Variants in UBE2H observed in about 807,000 individuals in gnomAD.
UBE2H encodes ubiquitin conjugating enzyme E2 H.
A neutral mutation model predicts 29.0 loss-of-function variants in UBE2H; 3 were observed. The ratio of observed to expected loss-of-function variants is 0.10; its 90% CI spans 0.05 to 0.27. The LOEUF is 0.27. Among genes scored for constraint, UBE2H ranks in the 10% least tolerant of loss-of-function variants. The pLI is 1.00. For synonymous variants in UBE2H, 69 were observed against 82.9 expected (o/e 0.83, Z 0.91); for missense variants, 68 against 228.2 (o/e 0.30, Z 4.52).
intron 5 of UBE2H, among the ~76,000 whole-genome samples, chr7:129,848,325 C>G (rs970492629): frequency 6.6e-6 from 1 of 152,246 alleles, no homozygotes; most frequent in African/African-American, 2.4e-5. Flanking sequence ...GCATGCTATC[C>G]AAACTTCTTT....
intron 1 of UBE2H, among the ~76,000 whole-genome samples, chr7:129,887,682 C>CCAGCACT (rs1554435210): frequency 3.0e-5 from 4 of 133,876 alleles, no homozygotes; most frequent in Non-Finnish European, 3.6e-5. Context: ...CTCACACCTC[C>CCAGCACT]TGAGGTCGGG....
intron 1 of UBE2H, among the ~76,000 whole-genome samples, chr7:129,938,629 C>T (rs1219625003): frequency 1.3e-5 from 2 of 149,918 alleles, no homozygotes; most frequent in Admixed American, 1.3e-4. Flanking sequence ...TTGTTTGAAC[C>T]CGGGAGGCGG....
At chr7:129,927,282 C>T (rs1411106529) in intron 1 of UBE2H, among the ~76,000 whole-genome samples, 1 of 152,164 alleles carries the variant, frequency 6.6e-6, no homozygotes, top group Non-Finnish European at 1.5e-5. Context: ...TGGCTCATGC[C>T]TGTAATCCCA....
Position 129,832,395 on chromosome 7 carries a change from A to T in UBE2H, c.*2542T>A, listed in dbSNP as rs1201877814. On this transcript the variant is annotated 3_prime_UTR_variant, in exon 7 of 7. Transcript: ENST00000355621. Reference sequence around the variant, plus strand: ...GTGGGATCCATGCGGCAATTACAGGAGCTTCCAGCACTAACAGAGGAGCCT... The same window carrying T: ...GTGGGATCCATGCGGCAATTACAGGTGCTTCCAGCACTAACAGAGGAGCCT... The T allele has an allele frequency of 6.6e-6, 1 of 152,378 alleles. No individual in the cohort carries two copies. Among genetic ancestry groups the T allele is most frequent in the Non-Finnish European group, 1.5e-5 (1 of 68,254 alleles). 9.4% of individuals were successfully genotyped at this position (152,378 alleles called of 1,614,324 possible).
Position 129,832,826 on chromosome 7 carries a change from A to C in UBE2H, c.*2111T>G, listed in dbSNP as rs1203263753. The C allele has an allele frequency of 6.6e-6, 1 of 152,194 alleles. No individual in the cohort carries two copies. Among genetic ancestry groups the C allele is most frequent in the East Asian group, 1.9e-4 (1 of 5,204 alleles). The allele number at this position is 152,194 out of a possible 1,614,324, so 9.4% of individuals were successfully genotyped here. A position where few individuals can be genotyped will look rare whatever the true frequency, so the allele number is the denominator to read the frequency against. ...ATACAATTTTTTATTGTTTGAACTC[A>C]AATCACCACCCAGCACTTTAAGCCT... On this transcript the variant is annotated 3_prime_UTR_variant, in exon 7 of 7. Coordinates refer to ENST00000355621, the MANE Select transcript of UBE2H (RefSeq NM_003344.4).
At chr7:129,915,240 T>C (rs574650474) in intron 1 of UBE2H, among the ~76,000 whole-genome samples, 2 of 152,184 alleles carry the variant, frequency 1.3e-5, no homozygotes, top group South Asian at 4.1e-4. Flanking sequence ...CACACTTTAT[T>C]TAAATACTAA....
rs1336152354 is a variant in UBE2H at position 129,834,580 on chromosome 7, T to G, written c.*357A>C. ...TTTGGTTTGTTTCTTTGGAAACCAA[T>G]AAAAGAAGCAATTTTTTCCTGTTCT... On this transcript the variant is annotated 3_prime_UTR_variant, in exon 7 of 7. Transcript: ENST00000355621. 6.3e-6 allele frequency: 1 copy of G among 159,574 alleles called. No homozygotes were observed. The highest frequency in any genetic ancestry group is 1.4e-5 in the Non-Finnish European group (1 of 72,774). The allele number at this position is 159,574 out of a possible 1,614,324, so 9.9% of individuals were successfully genotyped here.
chr7:129,852,926 T>C (rs879501801), intron 5 of UBE2H, among the ~76,000 whole-genome samples: 24 of 152,306 alleles, frequency 1.6e-4, no homozygotes, highest in Non-Finnish European at 3.2e-4. Context: ...GGTTTCTCCA[T>C]GTTGGTTATG....
chr7:129,898,270 T>C (rs1211307034), intron 1 of UBE2H, among the ~76,000 whole-genome samples: 20 of 152,094 alleles, frequency 1.3e-4, no homozygotes, highest in Non-Finnish European at 1.6e-4. Flanking sequence ...CACCCTGCCA[T>C]ATTAGCAAAA....
At chr7:129,935,575 A>G (rs778540983) in intron 1 of UBE2H, among the ~76,000 whole-genome samples, 5 of 152,208 alleles carry the variant, frequency 3.3e-5, no homozygotes, top group Non-Finnish European at 7.3e-5. Context: ...CAGGGTAAAT[A>G]CAATTCTGAC....
chr7:129,902,090 C>T (rs1806727168), intron 1 of UBE2H, among the ~76,000 whole-genome samples: 1 of 152,102 alleles, frequency 6.6e-6, no homozygotes, highest in African/African-American at 2.4e-5. Flanking sequence ...ATCTTTAAAA[C>T]GGGAACTCAG....
chr7:129,915,313 G>T (rs998780682), intron 1 of UBE2H, among the ~76,000 whole-genome samples: 2 of 152,150 alleles, frequency 1.3e-5, no homozygotes, highest in African/African-American at 4.8e-5. Context: ...GAGACGGGCA[G>T]ATCACGAGGT....
In UBE2H at chr7:129,848,170, C is replaced by A. The variant is rs538803289; in HGVS notation, c.299-8835G>T. ...CTCGGGAGGTGGAGGCTGCGGTAAG[C>A]CAAGATCACGCTGCTGCACTCCAGC... On this transcript the variant is annotated intron_variant, in intron 5 of 6. Coordinates refer to ENST00000355621, the MANE Select transcript of UBE2H (RefSeq NM_003344.4). Among the ~76,000 whole-genome samples, 9 of 152,258 alleles carry A rather than the reference C, an allele frequency of 5.9e-5. No individual in the cohort carries two copies. The South Asian group carries it at 1.9e-3, about 32-fold the overall frequency.
intron 3 of UBE2H, among the ~76,000 whole-genome samples, chr7:129,868,387 T>C (rs1349695855): frequency 6.6e-6 from 1 of 151,508 alleles, no homozygotes; most frequent in African/African-American, 2.4e-5. Flanking sequence ...GAGACCATCC[T>C]GGCTAACAAG....
intron 3 of UBE2H, among the ~76,000 whole-genome samples, chr7:129,865,706 A>G (rs776336532): frequency 8.5e-4 from 129 of 152,378 alleles, no homozygotes; most frequent in Non-Finnish European, 1.5e-3. Context: ...AAGTGAATAC[A>G]TTAAGTCATT....
At chr7:129,932,631 G>A (rs983755083) in intron 1 of UBE2H, among the ~76,000 whole-genome samples, 8 of 151,678 alleles carry the variant, frequency 5.3e-5, no homozygotes, top group Middle Eastern at 3.4e-3. Context: ...AAAATTAGCC[G>A]GGCGTGGTGG....
At chr7:129,938,971 G>C (rs1201760404) in intron 1 of UBE2H, among the ~76,000 whole-genome samples, 1 of 151,854 alleles carries the variant, frequency 6.6e-6, no homozygotes, top group Non-Finnish European at 1.5e-5. Context: ...ACTAACTTTT[G>C]TATTTTTAGT....
In UBE2H at chr7:129,880,246, C is replaced by A. The variant is rs1317901069; in HGVS notation, c.131-604G>T. ...AAGGACAAGTGCGGTGGGGCTCATG[C>A]CTGTAATCCCAGCACTTTGGGAGGC... On this transcript the variant is annotated intron_variant, in intron 2 of 6. Coordinates refer to ENST00000355621, the MANE Select transcript of UBE2H (RefSeq NM_003344.4). Among the ~76,000 whole-genome samples, 3 of 152,154 alleles carry A rather than the reference C, an allele frequency of 2.0e-5. No homozygotes were observed. The East Asian group carries it at 5.8e-4, about 29-fold the overall frequency.
At position 129,952,059 on chromosome 7, in the gene UBE2H, T is replaced by G. The variant is rs190058781; in HGVS notation, c.53+444A>C. Among the ~76,000 whole-genome samples the G allele has an allele frequency of 1.1e-4, 17 of 152,234 alleles. No individual in the cohort carries two copies. In the East Asian group the frequency reaches 3.3e-3, roughly 29 times the overall value. ...ACCCCAGTTCAAGCAGCATTGTGGTTGGAGGAAATGGGGGCATCTCAAGAA... is the reference window on the plus strand; with the variant it reads ...ACCCCAGTTCAAGCAGCATTGTGGTGGGAGGAAATGGGGGCATCTCAAGAA... On this transcript the variant is annotated intron_variant, in intron 1 of 6. Coordinates refer to ENST00000355621, the MANE Select transcript of UBE2H (RefSeq NM_003344.4).
Sources: allele counts gnomAD v4.1 joint callset (sites outside exome capture counted in the v4.1 genomes callset), GRCh38; gene constraint gnomAD v4.1.1; transcripts MANE v1.5; gene names NCBI Gene and HGNC (gene_info 2026-07-23, HGNC 2026-07-21).